EPS8: variants seen among roughly 807,000 people sequenced by gnomAD.
The protein encoded by EPS8 is EGFR pathway substrate 8, signaling adaptor.
In EPS8, 42 loss-of-function variants were observed where a neutral mutation model predicts 103.8. The observed-to-expected ratio is 0.40, with a 90% CI of 0.32 to 0.52. The LOEUF (loss-of-function observed/expected upper bound fraction) is 0.52, where lower values mean the gene tolerates loss of function less well. Ranked by LOEUF, EPS8 falls within the 20% of genes least tolerant of loss-of-function variation. The pLI, the probability that EPS8 is intolerant of heterozygous loss-of-function variation, is 0.40. For missense variants in EPS8, 969 were observed against 1,005.1 expected, an observed-to-expected ratio of 0.96 and a Z score of 0.49; for synonymous variants, 344 against 344.6, an observed-to-expected ratio of 1.00 and a Z score of 0.02.
intron 18 of EPS8, among the ~76,000 whole-genome samples, chr12:15,625,548 G>A (rs189769208): frequency 6.6e-6 from 1 of 152,094 alleles, no homozygotes; most frequent in East Asian, 1.9e-4. Flanking sequence ...ATTCAATTTT[G>A]CTTTTCCCCC....
At chr12:15,710,669 A>C (rs1946450302) in intron 1 of EPS8, among the ~76,000 whole-genome samples, 1 of 152,206 alleles carries the variant, frequency 6.6e-6, no homozygotes, top group Admixed American at 6.5e-5. Flanking sequence ...CTGGAAAGTC[A>C]ATTTTTAAGT....
Position 15,781,134 on chromosome 12 carries a change from C to G in EPS8, c.-22+8027G>C, listed in dbSNP as rs1344066747. ...CAAATGTTTCTTTTTAAAAGATCCT[C>G]ATTCTTTAAAACAACCGTGTTCCAT... On this transcript the variant is annotated intron_variant, in intron 1 of 20. Transcript: ENST00000281172. This position sits in a 1 kb window ranked among gnomAD's most constrained non-coding sequence, Gnocchi z 4.1. Among the ~76,000 whole-genome samples, 1 of 152,184 alleles carries G rather than the reference C, an allele frequency of 6.6e-6. No individual in the cohort carries two copies. Among genetic ancestry groups the G allele is most frequent in the Non-Finnish European group, 1.5e-5 (1 of 68,032 alleles).
chr12:15,624,082 C>T (rs1944904204), intron 19 of EPS8, 145 bp downstream of exon 19: 1 of 615,814 alleles, frequency 1.6e-6, no homozygotes, highest in Non-Finnish European at 2.9e-6. Context: ...CTATGAACAG[C>T]TATAGTGAGT....
chr12:15,642,124 C>G (rs778985679), intron 15 of EPS8, among the ~76,000 whole-genome samples: 9 of 151,930 alleles, frequency 5.9e-5, no homozygotes, highest in Non-Finnish European at 1.2e-4. Flanking sequence ...AATACACATA[C>G]TGGATATTAT....
At position 15,751,144 on chromosome 12, in the gene EPS8, G is replaced by A. The variant is rs1018859614; in HGVS notation, c.-22+38017C>T. Among the ~76,000 whole-genome samples the A allele has an allele frequency of 6.6e-6, 1 of 152,092 alleles. No homozygotes were observed. The highest frequency in any genetic ancestry group is 1.5e-5 in the Non-Finnish European group (1 of 68,024). On this transcript the variant is annotated intron_variant, in intron 1 of 20. Transcript: ENST00000281172. The surrounding 1 kb of genome is among the most constrained non-coding windows in gnomAD (Gnocchi z 4.3). ...AGGACGAGGCAGGCGGATCACTTGA[G>A]GTCAGGAGTTCGAGACCAGCCAGGC...
At position 15,731,019 on chromosome 12, in the gene EPS8, T is replaced by C. The variant is rs1437094044; in HGVS notation, c.-21-48047A>G. On this transcript the variant is annotated intron_variant, in intron 1 of 20. Coordinates refer to ENST00000281172, the MANE Select transcript of EPS8 (RefSeq NM_004447.6). The surrounding 1 kb of genome is among the most constrained non-coding windows in gnomAD (Gnocchi z 5.1). Reference sequence around the variant, plus strand: ...CACAGATGACATTTCAAATATCCCATTTACTTATTTCAGAAATGCCTCTTG... The same window carrying C: ...CACAGATGACATTTCAAATATCCCACTTACTTATTTCAGAAATGCCTCTTG... Among the ~76,000 whole-genome samples the C allele has an allele frequency of 1.3e-5, 2 of 152,134 alleles. No homozygotes were observed. Among genetic ancestry groups the C allele is most frequent in the Admixed American group, 1.3e-4 (2 of 15,282 alleles).
intron 11 of EPS8, 144 bp downstream of exon 11, chr12:15,658,353 T>C (rs2135808417): frequency 1.4e-6 from 1 of 711,542 alleles, no homozygotes; most frequent in African/African-American, 1.8e-5. Flanking sequence ...TTTGCTGTTT[T>C]AACTGAAGGC....
At chr12:15,672,348 C>T (rs548804967) in intron 3 of EPS8, 23 of 395,452 alleles carry the variant, frequency 5.8e-5, no homozygotes, top group African/African-American at 4.5e-4. Context: ...TCTCCATGTC[C>T]TTGTATCAAT....
intron 1 of EPS8, among the ~76,000 whole-genome samples, chr12:15,755,209 C>G (rs1946974001): frequency 6.6e-6 from 1 of 152,208 alleles, no homozygotes; most frequent in Non-Finnish European, 1.5e-5. Context: ...GTTGGAAAAT[C>G]AAGTTCTCCT....
At chr12:15,683,067 AG>A (rs1477518913) in intron 1 of EPS8, 95 bp from the exon 2 acceptor site, 2 of 595,632 alleles carry the variant, frequency 3.4e-6, no homozygotes, top group African/African-American at 3.9e-5. Flanking sequence ...TGTTGCTGCC[AG>A]GAATTATAGT....
rs1461776021 is a variant in EPS8 at position 15,696,572 on chromosome 12, C to T, written c.-21-13600G>A. The stretch of plus-strand genomic sequence containing the variant: ...AGAAGAATTGCTTGAACCCAGGAGG[C>T]GGAGGTTGCAGTGAGCCAAGATCGC... On this transcript the variant is annotated intron_variant, in intron 1 of 20. Transcript: ENST00000281172. The surrounding 1 kb of genome is among the most constrained non-coding windows in gnomAD (Gnocchi z 4.8). Among the ~76,000 whole-genome samples the T allele has an allele frequency of 1.3e-5, 2 of 151,892 alleles. No homozygotes were observed. Among genetic ancestry groups the T allele is most frequent in the African/African-American group, 4.8e-5 (2 of 41,332 alleles).
intron 8 of EPS8, among the ~76,000 whole-genome samples, chr12:15,664,126 G>C (rs1420368490): frequency 6.7e-6 from 1 of 150,312 alleles, no homozygotes; most frequent in African/African-American, 2.4e-5. Context: ...CATCGAAACA[G>C]TAACAACAAA....
At chr12:15,768,801 A>T (rs1403658739) in intron 1 of EPS8, among the ~76,000 whole-genome samples, 1 of 152,198 alleles carries the variant, frequency 6.6e-6, no homozygotes, top group Admixed American at 6.5e-5. Flanking sequence ...TATCAAGGAA[A>T]ACATGATACA....
intron 17 of EPS8, among the ~76,000 whole-genome samples, chr12:15,634,262 A>G (rs937340614): frequency 6.6e-6 from 1 of 152,292 alleles, no homozygotes; most frequent in East Asian, 1.9e-4. Flanking sequence ...TTTGCACCCA[A>G]CTGTCACTTC....
chr12:15,728,597 C>G lies in EPS8; in HGVS notation c.-21-45625G>C, dbSNP rs1946680589. On this transcript the variant is annotated intron_variant, in intron 1 of 20. Transcript: ENST00000281172. The surrounding 1 kb of genome is among the most constrained non-coding windows in gnomAD (Gnocchi z 4.5). ...TACCACCATATTTATGTGAGGATAGCATATATCTTTTACATGAAAATACAA... is the reference window on the plus strand; with the variant it reads ...TACCACCATATTTATGTGAGGATAGGATATATCTTTTACATGAAAATACAA... Among the ~76,000 whole-genome samples the G allele has an allele frequency of 6.6e-6, 1 of 152,116 alleles. No individual in the cohort carries two copies. Among genetic ancestry groups the G allele is most frequent in the Non-Finnish European group, 1.5e-5 (1 of 68,024 alleles).
chr12:15,676,447 T>C (rs1463941829), intron 3 of EPS8, among the ~76,000 whole-genome samples: 1 of 151,782 alleles, frequency 6.6e-6, no homozygotes, highest in African/African-American at 2.4e-5. Context: ...GCCCTAAATA[T>C]TCAAAAAGGA....
intron 14 of EPS8, among the ~76,000 whole-genome samples, chr12:15,649,247 A>G (rs1415746445): frequency 1.3e-5 from 2 of 152,222 alleles, no homozygotes; most frequent in Admixed American, 6.5e-5. Flanking sequence ...CCCAGAACAC[A>G]TTACTCTCTT....
chr12:15,625,679 C>T (rs181917021), intron 18 of EPS8, among the ~76,000 whole-genome samples: 1 of 152,260 alleles, frequency 6.6e-6, no homozygotes, highest in Admixed American at 6.5e-5. Flanking sequence ...TCCCTGTGGC[C>T]TCCAGGATAC....
Position 15,749,016 on chromosome 12 carries a change from A to G in EPS8, c.-22+40145T>C, listed in dbSNP as rs919254052. 6.6e-6 allele frequency among the ~76,000 whole-genome samples: 1 copy of G among 152,052 alleles called. No homozygotes were observed. The highest frequency in any genetic ancestry group is 1.5e-5 in the Non-Finnish European group (1 of 68,024). ...AGCAAATACTGAGACAACTGATGCT[A>G]GAGAGAACTTAAGGCCCTTTTAACT... On this transcript the variant is annotated intron_variant, in intron 1 of 20. Coordinates refer to ENST00000281172, the MANE Select transcript of EPS8 (RefSeq NM_004447.6). This position sits in a 1 kb window ranked among gnomAD's most constrained non-coding sequence, Gnocchi z 4.0.
Sources: allele counts gnomAD v4.1 joint callset (sites outside exome capture counted in the v4.1 genomes callset), GRCh38; gene constraint gnomAD v4.1.1; non-coding constraint Gnocchi (gnomAD v3.1); transcripts MANE v1.5; gene names NCBI Gene and HGNC (gene_info 2026-07-23, HGNC 2026-07-21).